FHOD3: variants seen among roughly 807,000 people sequenced by gnomAD.
The protein encoded by FHOD3 is formin homology 2 domain containing 3.
A neutral mutation model predicts 173.0 loss-of-function variants in FHOD3; 90 were observed. That is an observed-to-expected ratio of 0.52 (90% CI 0.44 to 0.62). FHOD3 has a LOEUF of 0.62. FHOD3 is among the 20% of genes least tolerant of loss of function. FHOD3 has a pLI of 0.00. For missense variants in FHOD3, 1,945 were observed against 2,034.7 expected (o/e 0.96, Z 0.85); for synonymous variants, 828 against 823.0 (o/e 1.01, Z -0.10).
intron 3 of FHOD3, among the ~76,000 whole-genome samples, chr18:36,450,273 A>G (rs956216579): frequency 1.3e-5 from 2 of 152,156 alleles, no homozygotes; most frequent in African/African-American, 4.8e-5. Context: ...GCAGCCAGTA[A>G]TAAGGAGCAG....
chr18:36,603,941 A>T (rs1406241668), intron 8 of FHOD3, among the ~76,000 whole-genome samples: 2 of 152,184 alleles, frequency 1.3e-5, no homozygotes, highest in Non-Finnish European at 2.9e-5. Flanking sequence ...TTGGGCTGAG[A>T]TAAGGAATCC....
intron 5 of FHOD3, among the ~76,000 whole-genome samples, chr18:36,572,406 A>G (rs953835307): frequency 6.6e-6 from 1 of 152,156 alleles, no homozygotes; most frequent in African/African-American, 2.4e-5. Flanking sequence ...TTGTAGTGCA[A>G]TATTAACCCA....
intron 3 of FHOD3, among the ~76,000 whole-genome samples, chr18:36,447,341 C>A (rs2051544863): frequency 6.6e-6 from 1 of 152,148 alleles, no homozygotes; most frequent in Non-Finnish European, 1.5e-5. Context: ...GGGACCCAGG[C>A]CAGAGGATCT....
chr18:36,676,077 T>A (rs1474487495), intron 14 of FHOD3, among the ~76,000 whole-genome samples: 1 of 152,184 alleles, frequency 6.6e-6, no homozygotes, highest in African/African-American at 2.4e-5. Flanking sequence ...TTTAGATAAA[T>A]CTAGAAAGTT....
intron 1 of FHOD3, among the ~76,000 whole-genome samples, chr18:36,326,589 G>A (rs190139465): frequency 1.1e-3 from 170 of 152,054 alleles, no homozygotes; most frequent in Non-Finnish European, 2.0e-3. Context: ...GCAACAGAGT[G>A]AGAGCCTGTC....
chr18:36,502,718 C>T lies in FHOD3; in HGVS notation c.405+719C>T, dbSNP rs1227138413. Among the ~76,000 whole-genome samples the T allele has an allele frequency of 3.3e-5, 5 of 152,218 alleles. No individual in the cohort carries two copies. In the East Asian group the frequency reaches 9.7e-4, roughly 29 times the overall value. ...CTGCAATAAACATACATGTGCAAAG[C>T]CTATTAGAGGTATAACTGAAGACCT... On this transcript the variant is annotated intron_variant, in intron 4 of 28. Transcript: ENST00000590592.
intron 11 of FHOD3, among the ~76,000 whole-genome samples, chr18:36,651,146 C>T (rs9964238): frequency 0.022 from 3,302 of 152,180 alleles, 127 homozygotes; most frequent in African/African-American, 0.075. Context: ...GTGTGCTCCC[C>T]GCCTGAGGCA....
chr18:36,298,850 T>C (rs895817712), intron 1 of FHOD3, among the ~76,000 whole-genome samples: 4 of 151,790 alleles, frequency 2.6e-5, no homozygotes, highest in Non-Finnish European at 5.9e-5. Context: ...AAGAGGTGGG[T>C]ATTGAAAGCT....
intron 5 of FHOD3, among the ~76,000 whole-genome samples, chr18:36,573,069 T>C (rs1230326205): frequency 1.3e-5 from 2 of 151,292 alleles, no homozygotes; most frequent in African/African-American, 2.4e-5. Context: ...GGGGTGGTGG[T>C]GGTAAGAAAG....
At chr18:36,408,536 C>A (rs1337050879) in intron 3 of FHOD3, among the ~76,000 whole-genome samples, 1 of 152,062 alleles carries the variant, frequency 6.6e-6, no homozygotes, top group Non-Finnish European at 1.5e-5. Flanking sequence ...TGGGAAGATG[C>A]CTTCTAGAGA....
intron 3 of FHOD3, among the ~76,000 whole-genome samples, chr18:36,469,364 C>G (rs952814127): frequency 6.6e-6 from 1 of 152,168 alleles, no homozygotes; most frequent in South Asian, 2.1e-4. Context: ...AAGTTTGTAG[C>G]TTTTATCGCC....
At chr18:36,533,678 C>T (rs993917105) in intron 5 of FHOD3, among the ~76,000 whole-genome samples, 3 of 152,146 alleles carry the variant, frequency 2.0e-5, no homozygotes, top group African/African-American at 4.8e-5. Flanking sequence ...TCTGGGAAGA[C>T]GACTTATGTC....
chr18:36,488,099 T>G (rs1223483259), intron 3 of FHOD3, among the ~76,000 whole-genome samples: 1 of 152,220 alleles, frequency 6.6e-6, no homozygotes, highest in Non-Finnish European at 1.5e-5. Context: ...TTTTCTTTGC[T>G]TTATGTGATA....
intron 3 of FHOD3, among the ~76,000 whole-genome samples, chr18:36,459,956 C>G (rs567189966): frequency 1.3e-5 from 2 of 152,114 alleles, no homozygotes; most frequent in South Asian, 4.1e-4. Flanking sequence ...GACAGTTTCT[C>G]AGACTTTCCT....
intron 14 of FHOD3, among the ~76,000 whole-genome samples, chr18:36,675,331 T>C (rs2037782789): frequency 6.6e-6 from 1 of 152,088 alleles, no homozygotes; most frequent in African/African-American, 2.4e-5. Flanking sequence ...CTTTCTCTCT[T>C]CATACAGTTG....
At chr18:36,561,985 TG>T (rs1259252674) in intron 5 of FHOD3, among the ~76,000 whole-genome samples, 1 of 144,248 alleles carries the variant, frequency 6.9e-6, no homozygotes, top group African/African-American at 2.5e-5. Flanking sequence ...TGTATTGTAT[TG>T]TATTGTATTG....
intron 3 of FHOD3, among the ~76,000 whole-genome samples, chr18:36,396,095 C>T (rs1444993288): frequency 2.6e-5 from 4 of 152,036 alleles, no homozygotes; most frequent in South Asian, 2.1e-4. Context: ...TGCATTTTTT[C>T]GTATATAAAG....
At chr18:36,629,145 A>G (rs758314790) in intron 10 of FHOD3, among the ~76,000 whole-genome samples, 1 of 152,168 alleles carries the variant, frequency 6.6e-6, no homozygotes, top group Non-Finnish European at 1.5e-5. Context: ...GGTCCAGACT[A>G]GTGCCACGTG....
chr18:36,464,588 T>C (rs2052789727), intron 3 of FHOD3, among the ~76,000 whole-genome samples: 1 of 152,286 alleles, frequency 6.6e-6, no homozygotes, highest in East Asian at 1.9e-4. Context: ...ACATTGCACT[T>C]CTTTTCCTTT....
Sources: allele counts gnomAD v4.1 joint callset (sites outside exome capture counted in the v4.1 genomes callset), GRCh38; gene constraint gnomAD v4.1.1; transcripts MANE v1.5; gene names NCBI Gene and HGNC (gene_info 2026-07-23, HGNC 2026-07-21).